ALG5: variants seen among roughly 807,000 people sequenced by gnomAD.
ALG5 encodes the protein dolichyl-phosphate beta-glucosyltransferase.
In ALG5, 26 loss-of-function variants were observed where a neutral mutation model predicts 51.8. That is an observed-to-expected ratio of 0.50 (90% CI 0.37 to 0.70). ALG5 has a LOEUF of 0.70. ALG5 is among the 30% of genes least tolerant of loss of function. The pLI is 0.00. For missense variants in ALG5, 311 were observed against 399.3 expected (o/e 0.78, Z 1.88); for synonymous variants, 141 against 136.1 (o/e 1.04, Z -0.25).
rs146537537 is a variant in ALG5 at position 36,960,199 on chromosome 13, G to C, written c.773+5376C>G. On this transcript the variant is annotated intron_variant, in intron 8 of 9. Coordinates refer to ENST00000239891, the MANE Select transcript of ALG5 (RefSeq NM_013338.5). ...AATAATTATTTTAAAACTGTATTTG[G>C]AGTTTACGTGTGGAGGGTATACAGA... 6.1e-3 allele frequency among the ~76,000 whole-genome samples: 925 copies of C among 152,220 alleles called. 11 individuals carry two copies. The highest frequency in any genetic ancestry group is 0.022 in the African/African-American group (897 of 41,518).
At chr13:36,951,425 C>T (rs369467757) in intron 9 of ALG5, among the ~76,000 whole-genome samples, 105 of 152,230 alleles carry the variant, frequency 6.9e-4, no homozygotes, top group East Asian at 4.0e-3. Context: ...TGTATAATCT[C>T]GAGATTGGTT....
At position 36,995,477 on chromosome 13, in the gene ALG5, T is replaced by G. The variant is rs772282485; in HGVS notation, c.186A>C (p.Ser62=). Residue 62 remains serine, a synonymous_variant, in exon 2 of 10, where the codon TCA becomes TCC. Coordinates refer to ENST00000239891, the MANE Select transcript of ALG5 (RefSeq NM_013338.5). The stretch of plus-strand genomic sequence containing the variant: ...CAACGACAGAAAGTTGTTTGGTAGG[T>G]GAGTCCCATATGCTGGGTAAAGTTT... ...QKETLPSIWD[S]PTKQLSVVVP... 6 of 1,613,140 alleles carry G rather than the reference T, an allele frequency of 3.7e-6. No homozygotes were observed. In the East Asian group the frequency reaches 1.3e-4, roughly 36 times the overall value.
rs1417317428 is a variant in ALG5 at position 36,963,465 on chromosome 13, C to T, written c.773+2110G>A. 3.6e-5 allele frequency among the ~76,000 whole-genome samples: 5 copies of T among 138,338 alleles called. No homozygotes were observed. The East Asian group carries it at 1.1e-3, about 30-fold the overall frequency. 90.8% of individuals were successfully genotyped at this position (138,338 alleles called of 152,430 possible). ...TTTCTAAATTCTTCCTTTCAAACCA[C>T]AAAGAACCTGCATCTCTGACCCTAG... On this transcript the variant is annotated intron_variant, in intron 8 of 9. Coordinates refer to ENST00000239891, the MANE Select transcript of ALG5 (RefSeq NM_013338.5).
In ALG5 at chr13:36,989,137, A is replaced by G. The variant is rs192475488; in HGVS notation, c.447+347T>C. On this transcript the variant is annotated intron_variant, in intron 5 of 9. Transcript: ENST00000239891. ...TTCATCTTAGTTCATGCTACCATGC[A>G]TAACAGCATACCTTCATCAAGGTAA... Among the ~76,000 whole-genome samples, 95 of 152,346 alleles carry G rather than the reference A, an allele frequency of 6.2e-4. 1 individual carries two copies. The highest frequency in any genetic ancestry group is 1.0e-4 in the Non-Finnish European group (7 of 68,022).
At position 36,995,511 on chromosome 13, in the gene ALG5, C is replaced by T. The variant is rs747253534; in HGVS notation, c.152G>A (p.Gly51Asp). The change falls in exon 2 of 10, where the codon GGC becomes GAC. Residue 51 changes from glycine (G) to aspartate (D), a missense_variant. Coordinates refer to ENST00000239891, the MANE Select transcript of ALG5 (RefSeq NM_013338.5). ...EEEKFFLNAK[G>D]QKETLPSIWD... ...TATGCTGGGTAAAGTTTCTTTCTGG[C>T]CTTTGGCATTTAAGAAGAATTTCTC... The T allele has an allele frequency of 5.6e-6, 9 of 1,605,842 alleles. No individual in the cohort carries two copies. The highest frequency in any genetic ancestry group is 7.6e-6 in the Non-Finnish European group (9 of 1,178,200).
chr13:36,983,369 T>C (rs1188100264), intron 6 of ALG5, among the ~76,000 whole-genome samples: 1 of 152,198 alleles, frequency 6.6e-6, no homozygotes, highest in East Asian at 1.9e-4. Flanking sequence ...TGAAATACTT[T>C]TTTAGTAAGA....
At chr13:36,984,819 T>C (rs1256995752) in intron 6 of ALG5, among the ~76,000 whole-genome samples, 3 of 152,132 alleles carry the variant, frequency 2.0e-5, no homozygotes, top group African/African-American at 7.2e-5. Flanking sequence ...CCTGGTCTTG[T>C]GAGATTTTGT....
intron 5 of ALG5, among the ~76,000 whole-genome samples, chr13:36,988,848 C>T (rs1306341947): frequency 6.6e-6 from 1 of 152,158 alleles, no homozygotes. Context: ...CCTGGACTGC[C>T]CACCTTTAGA....
At position 36,995,553 on chromosome 13, in the gene ALG5, A is replaced by C; in HGVS notation, c.110T>G (p.Leu37Arg). 6.2e-7 allele frequency: 1 copy of C among 1,605,692 alleles called. No homozygotes were observed. Among genetic ancestry groups the C allele is most frequent in the South Asian group, 1.1e-5 (1 of 88,270 alleles). Residue 37 changes from leucine (L) to arginine (R), a missense_variant, in exon 2 of 10, where the codon CTC (leucine) becomes CGC (arginine). Leu to Arg is a moderately radical substitution (Grantham distance 102). Coordinates refer to ENST00000239891, the MANE Select transcript of ALG5 (RefSeq NM_013338.5). ...GAATTTCTCTTCTTCATGTCGATGG[A>C]GTGCTGGCATTTTTGTAGCAGTTGT... The part of the protein sequence containing the change: ...AFTTATKMPA[L>R]HRHEEEKFFL...
intron 6 of ALG5, among the ~76,000 whole-genome samples, chr13:36,975,714 G>A (rs2058947154): frequency 6.6e-6 from 1 of 152,156 alleles, no homozygotes; most frequent in African/African-American, 2.4e-5. Context: ...AAGTCTGAAT[G>A]TTTTTTAATG....
At chr13:36,975,440 G>T (rs1488779882) in intron 6 of ALG5, among the ~76,000 whole-genome samples, 2 of 152,156 alleles carry the variant, frequency 1.3e-5, no homozygotes, top group Non-Finnish European at 2.9e-5. Context: ...AGATTCAGAG[G>T]CTTGATAAGA....
intron 7 of ALG5, among the ~76,000 whole-genome samples, chr13:36,969,818 A>AG (rs1203505537): frequency 6.6e-6 from 1 of 152,154 alleles, no homozygotes; most frequent in East Asian, 1.9e-4. Flanking sequence ...TACAGGTGTG[A>AG]GCCACTGTGT....
In ALG5 at chr13:36,960,064, C is replaced by T. The variant is rs185086038; in HGVS notation, c.773+5511G>A. 1.8e-4 allele frequency among the ~76,000 whole-genome samples: 28 copies of T among 152,228 alleles called. 1 individual carries two copies. In the East Asian group the frequency reaches 5.0e-3, roughly 27 times the overall value. ...AAGTCAAGCAAACAAAAACCCCAAA[C>T]ATTTATTACCTTCGGGAAAACAAAA... On this transcript the variant is annotated intron_variant, in intron 8 of 9. Transcript: ENST00000239891.
chr13:36,993,527 T>A, intron 4 of ALG5, 77 bp downstream of exon 4: 1 of 1,249,640 alleles, frequency 8.0e-7, no homozygotes, highest in Non-Finnish European at 1.2e-6. Context: ...CCCTGGTGAA[T>A]GAAAGTGAGA....
chr13:36,976,233 C>T (rs536816541), intron 6 of ALG5, among the ~76,000 whole-genome samples: 3 of 146,280 alleles, frequency 2.1e-5, no homozygotes, highest in East Asian at 2.1e-4. Flanking sequence ...GTTCAAGACC[C>T]GTCTGGCCAA....
In ALG5 at chr13:36,999,297, C is replaced by T. The variant is rs775532363; in HGVS notation, c.4G>A (p.Ala2Thr). 16 of 1,574,206 alleles carry T rather than the reference C, an allele frequency of 1.0e-5. No homozygotes were observed. The highest frequency in any genetic ancestry group is 1.3e-5 in the Non-Finnish European group (15 of 1,163,302). The stretch of plus-strand genomic sequence containing the variant: ...ACCGCCAGCTGCAACAGAAGCGGAG[C>T]CATTCTCCATGCCGTGGCAGCCCGC... M[A>T]PLLLQLAVLG... The change falls in exon 1 of 10, where the codon GCT becomes ACT. Residue 2 changes from alanine to threonine, a missense_variant. Coordinates refer to ENST00000239891, the MANE Select transcript of ALG5 (RefSeq NM_013338.5).
intron 8 of ALG5, among the ~76,000 whole-genome samples, chr13:36,961,771 A>G (rs1566058343): frequency 6.6e-6 from 1 of 152,140 alleles, no homozygotes; most frequent in African/African-American, 2.4e-5. Context: ...GCAGTTCTGA[A>G]TCCAAAGAGA....
At chr13:36,978,682 T>G (rs1434862839) in intron 6 of ALG5, among the ~76,000 whole-genome samples, 1 of 150,546 alleles carries the variant, frequency 6.6e-6, no homozygotes, top group Non-Finnish European at 1.5e-5. Context: ...GAGGCCCAGG[T>G]GAGAGGATCA....
At chr13:36,952,297 C>T (rs547136045) in intron 9 of ALG5, among the ~76,000 whole-genome samples, 4 of 152,220 alleles carry the variant, frequency 2.6e-5, no homozygotes, top group African/African-American at 9.6e-5. Context: ...AGGTAGTAGG[C>T]CTACTGAAGG....
Sources: gnomAD v4.1 joint callset for allele counts (sites outside exome capture counted in the v4.1 genomes callset) on GRCh38, gnomAD v4.1.1 for gene constraint, MANE v1.5 for transcripts, NCBI Gene and HGNC (gene_info 2026-07-23, HGNC 2026-07-21) for gene names.